ABCA2: variants seen among roughly 807,000 people sequenced by gnomAD.
ABCA2 encodes the protein ATP-binding cassette sub-family A member 2.
In ABCA2, 84 loss-of-function variants were observed where a neutral mutation model predicts 262.8. The observed-to-expected ratio is 0.32, with a 90% CI of 0.27 to 0.38. The LOEUF (loss-of-function observed/expected upper bound fraction) is 0.38, where lower values mean the gene tolerates loss of function less well. ABCA2 is among the 10% of genes least tolerant of loss of function. ABCA2 has a pLI of 1.00. For synonymous variants in ABCA2, 1,696 were observed against 1,502.9 expected (o/e 1.13, Z -2.97); for missense variants, 2,662 against 3,405.9 (o/e 0.78, Z 5.44).
rs745486234 is a variant in ABCA2, at chr9:137,007,913, G to A, written c.*16C>T. ...TGGTCAGTGGAGCGTGTCCTCCCTG[G>A]CCCAGCTCTGGGTGGTCAGCAGAGC... is the stretch of plus-strand genomic sequence containing the variant. On this transcript the variant is annotated 3_prime_UTR_variant, in exon 49 of 49. Transcript: ENST00000341511. 4 of 1,605,090 alleles carry A rather than the reference G, an allele frequency of 2.5e-6. No homozygotes were observed. Among genetic ancestry groups the A allele is most frequent in the South Asian group, 2.2e-5 (2 of 90,978 alleles).
At chr9:137,013,375 G>A (rs1183495854) in intron 29 of ABCA2, 57 bp from the exon 30 acceptor site, 39 of 1,328,962 alleles carry the variant, frequency 2.9e-5, no homozygotes, top group Middle Eastern at 2.6e-4. Flanking sequence ...CGCCAGCCCC[G>A]CCCCCTCGCC....
At chr9:137,010,879 C>T (rs1831013087) in intron 39 of ABCA2, 94 bp downstream of exon 39, 4 of 790,450 alleles carry the variant, frequency 5.1e-6, no homozygotes, top group Admixed American at 2.3e-5. Flanking sequence ...CCCTCCTGCC[C>T]CATCCCTGCC....
chr9:137,015,070 C>G lies in ABCA2; in HGVS notation c.3725G>C (p.Gly1242Ala). The change falls in exon 25 of 49, where the codon GGT becomes GCT. Residue 1242 changes from glycine to alanine, a missense_variant. This residue lies in a region of ABCA2 where 297 missense variants were observed against 286.5 expected (regional missense o/e 1.04). Coordinates refer to ENST00000341511, the MANE Select transcript of ABCA2 (RefSeq NM_001606.5). ...GGAGCAGCTGCTCAGCGGGGCCCGA[C>G]CTGGGGGGCTGGATGCCAGCCCTGG... Reference protein sequence around the residue: ...QEPGLASSPPGRAPLSSCSEL... With the variant: ...QEPGLASSPPARAPLSSCSEL... 6.3e-7 allele frequency: 1 copy of G among 1,599,242 alleles called. No individual in the cohort carries two copies. The highest frequency in any genetic ancestry group is 2.2e-5 in the East Asian group (1 of 44,566).
intron 32 of ABCA2, 54 bp from the exon 33 acceptor site, chr9:137,012,430 G>C: frequency 6.2e-7 from 1 of 1,608,448 alleles, no homozygotes; most frequent in Non-Finnish European, 8.5e-7. Flanking sequence ...CTGGGTCCCT[G>C]CAGACCTCGG....
At position 137,013,195 on chromosome 9, in the gene ABCA2, G is replaced by A. The variant is rs774926195; in HGVS notation, c.4674C>T (p.Asn1558=). Residue 1558 remains asparagine (N), a synonymous_variant, in exon 30 of 49, where the codon AAC becomes AAT. Coordinates refer to ENST00000341511, the MANE Select transcript of ABCA2 (RefSeq NM_001606.5). ...PANGSLGPTL[N]LSSGESRLLA... Reference sequence around the variant, plus strand: ...GCAGGCGCGACTCCCCGCTGCTCAGGTTCAACGTGGGCCCCAGCGAGCCGT... The same window carrying A: ...GCAGGCGCGACTCCCCGCTGCTCAGATTCAACGTGGGCCCCAGCGAGCCGT... 3 of 1,600,328 alleles carry A rather than the reference G, an allele frequency of 1.9e-6. No individual in the cohort carries two copies. Among genetic ancestry groups the A allele is most frequent in the African/African-American group, 1.3e-5 (1 of 74,744 alleles).
At chr9:137,023,902 G>A (rs1793430211) in intron 2 of ABCA2, 62 bp from the exon 3 acceptor site, 2 of 1,059,522 alleles carry the variant, frequency 1.9e-6, no homozygotes, top group South Asian at 1.3e-5. Flanking sequence ...ACAGAACAGA[G>A]GAGACCAGTG....
intron 5 of ABCA2, 52 bp from the exon 6 acceptor site, chr9:137,022,530 C>T (rs781367302): frequency 2.5e-6 from 4 of 1,592,618 alleles, no homozygotes; most frequent in South Asian, 1.1e-5. Context: ...TGGCAAGGTG[C>T]CCCCACATGC....
rs1331472440 is a variant in ABCA2 at position 137,022,826 on chromosome 9, C to T, written c.315G>A (p.Glu105=). 1 of 1,589,602 alleles carries T rather than the reference C, an allele frequency of 6.3e-7. No homozygotes were observed. The highest frequency in any genetic ancestry group is 1.8e-5 in the Admixed American group (1 of 56,502). The part of the protein sequence containing the change: ...QLLERLDRVV[E]EGNLFDPARP... Reference sequence around the variant, plus strand: ...GCGCTGGGTCAAACAGGTTGCCTTCCTCCACCACGCGGTCCAGGCGCTCAA... The same window carrying T: ...GCGCTGGGTCAAACAGGTTGCCTTCTTCCACCACGCGGTCCAGGCGCTCAA... The change falls in exon 5 of 49, where the codon GAG becomes GAA. Residue 105 remains glutamate, a synonymous_variant. Transcript: ENST00000341511.
rs756578154 is a variant in ABCA2 at position 137,019,042 on chromosome 9, T to A, written c.1583A>T (p.Glu528Val). ...QYVAELRLHPEALNLSLDELP... is the reference protein window; with the variant it reads ...QYVAELRLHPVALNLSLDELP... The stretch of plus-strand genomic sequence containing the variant: ...CTCATCCAGTGACAGGTTCAGTGCC[T>A]CGGGGTGCAGCCGCAGCTCTGCTAC... Residue 528 changes from glutamate (E) to valine (V), a missense_variant, in exon 12 of 49, where the codon GAG becomes GTG. Physicochemically the swap from Glu to Val is moderately radical, Grantham distance 121. This residue lies in a region of ABCA2 where 187 missense variants were observed against 205.9 expected (regional missense o/e 0.91). Coordinates refer to ENST00000341511, the MANE Select transcript of ABCA2 (RefSeq NM_001606.5). The surrounding 1 kb of genome is among the most constrained non-coding windows in gnomAD (Gnocchi z 4.4). 6.2e-7 allele frequency: 1 copy of A among 1,611,944 alleles called. No homozygotes were observed. Among genetic ancestry groups the A allele is most frequent in the South Asian group, 1.1e-5 (1 of 91,066 alleles).
At position 137,013,848 on chromosome 9, in the gene ABCA2, C is replaced by G. The variant is rs749108758; in HGVS notation, c.4431G>C (p.Leu1477=). 2 of 1,608,974 alleles carry G rather than the reference C, an allele frequency of 1.2e-6. No individual in the cohort carries two copies. The highest frequency in any genetic ancestry group is 1.1e-5 in the South Asian group (1 of 90,548). ...GTGGCCTACCAATCTCCGGGACGGA[C>G]AGGGCCACGGTCATGGCCACGCAGA... The part of the protein sequence containing the change: ...FFVCVAMTVA[L]SVPEIGDLPP... Residue 1477 remains leucine (L), a synonymous_variant, in exon 28 of 49, where the codon CTG becomes CTC. Transcript: ENST00000341511.
intron 21 of ABCA2, 41 bp downstream of exon 21, chr9:137,016,250 T>G: frequency 6.2e-7 from 1 of 1,611,802 alleles, no homozygotes. Flanking sequence ...ACTCCTGCTC[T>G]GGTCAGCAGA....
rs576964451 is a variant in ABCA2, at chr9:137,022,553, G to A, written c.440-75C>T. 59 of 1,573,718 alleles carry A rather than the reference G, an allele frequency of 3.7e-5. No homozygotes were observed. In the East Asian group the frequency reaches 1.1e-3, roughly 30 times the overall value. Reference sequence around the variant, plus strand: ...TGCCCCCACATGCGCTCGGAGCCGAGCCCAACACCACAGCTCTGCCACTGC... The same window carrying A: ...TGCCCCCACATGCGCTCGGAGCCGAACCCAACACCACAGCTCTGCCACTGC... On this transcript the variant is annotated intron_variant, in intron 5 of 48. Coordinates refer to ENST00000341511, the MANE Select transcript of ABCA2 (RefSeq NM_001606.5).
Position 137,017,796 on chromosome 9 carries a change from C to T in ABCA2, c.2202G>A (p.Arg734=). Reference sequence around the variant, plus strand: ...GTCCCGGCCCGCGCACCTCCTTGAGCCGGTGCTCCTTCTCCGCCACGATGT... The same window carrying T: ...GTCCCGGCCCGCGCACCTCCTTGAGTCGGTGCTCCTTCTCCGCCACGATGT... ...IQHIVAEKEH[R]LKEVMKTMGL... The change falls in exon 16 of 49, where the codon CGG becomes CGA. Residue 734 remains arginine (R), a synonymous_variant. Transcript: ENST00000341511. The T allele has an allele frequency of 6.2e-7, 1 of 1,612,466 alleles. No homozygotes were observed. Among genetic ancestry groups the T allele is most frequent in the Non-Finnish European group, 8.5e-7 (1 of 1,179,792 alleles).
intron 10 of ABCA2, chr9:137,020,012 T>C (rs983869459): frequency 3.3e-6 from 1 of 304,332 alleles, no homozygotes; most frequent in African/African-American, 2.2e-5. Context: ...GAACCCAAAC[T>C]GCCCAGCTGC....
rs755997152 is a variant in ABCA2, at chr9:137,009,053, C to G, written c.6828G>C (p.Arg2276=). ...CCGTGATCATGTAGCCATCTCCAAA[C>G]CTGGTGGGACAGGCCGGTGGCCCGG... ...CLGSIQHLKN[R]FGDGYMITVR... is the part of the protein sequence containing the mutation. The change falls in exon 46 of 49, where the codon CGG becomes CGC. Residue 2276 remains arginine, a splice_region_variant and synonymous_variant. Coordinates refer to ENST00000341511, the MANE Select transcript of ABCA2 (RefSeq NM_001606.5). 6 of 1,605,970 alleles carry G rather than the reference C, an allele frequency of 3.7e-6. No individual in the cohort carries two copies. The Admixed American group carries it at 5.0e-5, about 13-fold the overall frequency.
Position 137,021,712 on chromosome 9 carries a change from G to A in ABCA2, c.679-102C>T. ...GCCCCACCCACTGGCTGGCTCTGGGGCTGCCTGGGTCCCACGACATGCCTC... is the reference window on the plus strand; with the variant it reads ...GCCCCACCCACTGGCTGGCTCTGGGACTGCCTGGGTCCCACGACATGCCTC... On this transcript the variant is annotated intron_variant, in intron 7 of 48. Transcript: ENST00000341511. This position sits in a 1 kb window ranked among gnomAD's most constrained non-coding sequence, Gnocchi z 6.0. 2 of 1,346,700 alleles carry A rather than the reference G, an allele frequency of 1.5e-6. No homozygotes were observed. The highest frequency in any genetic ancestry group is 2.0e-6 in the Non-Finnish European group (2 of 982,850). 83.4% of individuals were successfully genotyped at this position (1,346,700 alleles called of 1,614,324 possible).
upstream of ABCA2, chr9:137,028,617 C>T (rs560370261): frequency 7.4e-6 from 8 of 1,078,418 alleles, no homozygotes; most frequent in East Asian, 3.3e-4. The surrounding 1 kb of genome is among the most constrained non-coding windows in gnomAD (Gnocchi z 6.9). Flanking sequence ...TCACTGTCCC[C>T]GGGGCGCGCC....
In ABCA2 at chr9:137,021,602, C is replaced by G. The variant is rs1345671050; in HGVS notation, c.687G>C (p.Leu229=). Residue 229 remains leucine, a synonymous_variant, in exon 8 of 49, where the codon CTG becomes CTC. Coordinates refer to ENST00000341511, the MANE Select transcript of ABCA2 (RefSeq NM_001606.5). The surrounding 1 kb of genome is among the most constrained non-coding windows in gnomAD (Gnocchi z 6.0). ...GNPLFRMEEL[L]LAPALLEQLT... is the part of the protein sequence containing the mutation. ...GCTGCTCCAGGAGGGCAGGAGCCAGCAGCAGCTCCTGGGATGGGCACAGGG... is the reference window on the plus strand; with the variant it reads ...GCTGCTCCAGGAGGGCAGGAGCCAGGAGCAGCTCCTGGGATGGGCACAGGG... The G allele has an allele frequency of 1.9e-6, 3 of 1,554,508 alleles. No homozygotes were observed. Among genetic ancestry groups the G allele is most frequent in the Non-Finnish European group, 2.6e-6 (3 of 1,150,512 alleles).
In ABCA2 at chr9:137,021,628, G is replaced by T. The variant is rs1487488941; in HGVS notation, c.679-18C>A. 2 of 1,543,388 alleles carry T rather than the reference G, an allele frequency of 1.3e-6. No homozygotes were observed. The highest frequency in any genetic ancestry group is 1.7e-6 in the Non-Finnish European group (2 of 1,145,134). On this transcript the variant is annotated intron_variant, in intron 7 of 48. Coordinates refer to ENST00000341511, the MANE Select transcript of ABCA2 (RefSeq NM_001606.5). The surrounding 1 kb of genome is among the most constrained non-coding windows in gnomAD (Gnocchi z 6.0). Reference sequence around the variant, plus strand: ...AGCAGCTCCTGGGATGGGCACAGGGGTCCGTGGAGCCACGGCAAGGACTTT... The same window carrying T: ...AGCAGCTCCTGGGATGGGCACAGGGTTCCGTGGAGCCACGGCAAGGACTTT...
Sources: gnomAD v4.1 joint callset for allele counts on GRCh38, gnomAD v4.1.1 for gene constraint, gnomAD v4.1.1 regional missense constraint, Gnocchi (gnomAD v3.1) non-coding constraint, MANE v1.5 for transcripts, NCBI Gene and HGNC (gene_info 2026-07-23, HGNC 2026-07-21) for gene names.